The following PPP2R5E variants were observed in gnomAD, a reference collection of about 807,000 sequenced individuals.
PPP2R5E encodes serine/threonine-protein phosphatase 2A 56 kDa regulatory subunit epsilon isoform.
In PPP2R5E, 4 loss-of-function variants were observed where a neutral mutation model predicts 65.3. The observed-to-expected ratio is 0.06, with a 90% confidence interval of 0.03 to 0.14. PPP2R5E has a LOEUF of 0.14. Among genes scored for constraint, PPP2R5E ranks in the 10% least tolerant of loss-of-function variants. The pLI, the probability that PPP2R5E is intolerant of heterozygous loss-of-function variation, is 1.00. For missense variants in PPP2R5E, 274 were observed against 556.1 expected (o/e 0.49, Z 5.10); for synonymous variants, 183 against 187.4 (o/e 0.98, Z 0.19).
At chr14:63,538,978 T>C (rs575124685) in intron 2 of PPP2R5E, among the ~76,000 whole-genome samples, 38 of 152,238 alleles carry the variant, frequency 2.5e-4, no homozygotes, top group African/African-American at 8.9e-4. Context: ...AAGATCATAC[T>C]AAACAAGTAT....
intron 2 of PPP2R5E, among the ~76,000 whole-genome samples, chr14:63,536,601 C>T (rs566015044): frequency 1.3e-5 from 2 of 152,242 alleles, no homozygotes; most frequent in South Asian, 4.1e-4. Context: ...TTCACAATAG[C>T]CTGAAGGTGG....
intron 11 of PPP2R5E, 92 bp from the exon 12 acceptor site, chr14:63,384,663 G>C: frequency 1.8e-6 from 2 of 1,095,558 alleles, no homozygotes; most frequent in Non-Finnish European, 1.3e-6. Context: ...TATTTCAAAA[G>C]GCTATTTGTA....
chr14:63,533,920 C>A (rs900780884), intron 2 of PPP2R5E, among the ~76,000 whole-genome samples: 1 of 152,208 alleles, frequency 6.6e-6, no homozygotes, highest in Non-Finnish European at 1.5e-5. Flanking sequence ...GCACTCCAGC[C>A]TGGGTGACAG....
chr14:63,417,658 T>C (rs960540968), intron 4 of PPP2R5E, among the ~76,000 whole-genome samples: 1 of 152,216 alleles, frequency 6.6e-6, no homozygotes. Flanking sequence ...CAAAATGTAA[T>C]AAAATTATTA....
Position 63,396,721 on chromosome 14 carries a change from T to G in PPP2R5E, c.550-5A>C. 6.2e-7 allele frequency: 1 copy of G among 1,613,212 alleles called. No homozygotes were observed. Among genetic ancestry groups the G allele is most frequent in the Non-Finnish European group, 8.5e-7 (1 of 1,179,556 alleles). On this transcript the variant is annotated splice_polypyrimidine_tract_variant and splice_region_variant and intron_variant, in intron 5 of 13. Coordinates refer to ENST00000337537, the MANE Select transcript of PPP2R5E (RefSeq NM_006246.5). ...GCTGTCAAATAGCTCCAGAAGCTGTTGTAAATGAAAGACATTATAGCTGTC... is the reference window on the plus strand; with the variant it reads ...GCTGTCAAATAGCTCCAGAAGCTGTGGTAAATGAAAGACATTATAGCTGTC...
chr14:63,384,557 T>G lies in PPP2R5E; in HGVS notation c.1089A>C (p.Ala363=). The change falls in exon 12 of 14, where the codon GCA becomes GCC. Residue 363 remains alanine, a synonymous_variant. Transcript: ENST00000337537. ...SSPHFQVAER[A]LYYWNNEYIM... is the part of the protein sequence containing the mutation. ...TGTATTCATTATTCCAATAATAGAGTGCTCTTTCTGCCACCTTTGGGAAAA... is the reference window on the plus strand; with the variant it reads ...TGTATTCATTATTCCAATAATAGAGGGCTCTTTCTGCCACCTTTGGGAAAA... 6.2e-7 allele frequency: 1 copy of G among 1,610,834 alleles called. No individual in the cohort carries two copies.
chr14:63,520,708 A>G (rs1429476795), intron 2 of PPP2R5E, among the ~76,000 whole-genome samples: 2 of 152,012 alleles, frequency 1.3e-5, no homozygotes, highest in Admixed American at 6.6e-5. Context: ...TGTTTGCTTC[A>G]TATACATTTA....
chr14:63,394,600 A>G (rs1885218161), intron 7 of PPP2R5E, among the ~76,000 whole-genome samples: 1 of 152,006 alleles, frequency 6.6e-6, no homozygotes, highest in Admixed American at 6.6e-5. Flanking sequence ...GACCTTTTCC[A>G]TTTCCAGACA....
intron 13 of PPP2R5E, among the ~76,000 whole-genome samples, chr14:63,379,280 G>A (rs974674321): frequency 1.1e-4 from 17 of 151,620 alleles, no homozygotes; most frequent in African/African-American, 3.6e-4. Context: ...CGCCCGCCTC[G>A]GCCTCCCAAA....
intron 5 of PPP2R5E, among the ~76,000 whole-genome samples, chr14:63,413,824 A>C (rs914152991): frequency 1.3e-5 from 2 of 152,136 alleles, no homozygotes; most frequent in Admixed American, 1.3e-4. Flanking sequence ...TTCAGACCTC[A>C]CTTTTCCAAA....
chr14:63,483,218 A>G lies in PPP2R5E; in HGVS notation c.158-29333T>C, dbSNP rs370589499. On this transcript the variant is annotated intron_variant, in intron 2 of 13. Coordinates refer to ENST00000337537, the MANE Select transcript of PPP2R5E (RefSeq NM_006246.5). Reference sequence around the variant, plus strand: ...ACAGACAAGTGCAAGAGAAAAAATAAGCAGAGCAAGGAAAGGAACATGGGG... The same window carrying G: ...ACAGACAAGTGCAAGAGAAAAAATAGGCAGAGCAAGGAAAGGAACATGGGG... Among the ~76,000 whole-genome samples the G allele has an allele frequency of 6.6e-5, 10 of 152,214 alleles. No homozygotes were observed. In the East Asian group the frequency reaches 1.2e-3, roughly 18 times the overall value.
chr14:63,391,450 T>G (rs966541072), intron 10 of PPP2R5E, among the ~76,000 whole-genome samples: 4 of 150,402 alleles, frequency 2.7e-5, no homozygotes, highest in African/African-American at 9.8e-5. Flanking sequence ...TGAGACAGAG[T>G]TCACTCTTGT....
chr14:63,390,525 A>C (rs550569137), intron 10 of PPP2R5E, among the ~76,000 whole-genome samples: 1 of 152,362 alleles, frequency 6.6e-6, no homozygotes, highest in Non-Finnish European at 1.5e-5. Flanking sequence ...ACTTTGAAAA[A>C]ATAAAGTGAG....
chr14:63,469,041 C>T (rs1404159520), intron 2 of PPP2R5E, among the ~76,000 whole-genome samples: 3 of 152,160 alleles, frequency 2.0e-5, no homozygotes, highest in African/African-American at 4.8e-5. Context: ...TCCCACAACA[C>T]GAATTTGTTT....
intron 2 of PPP2R5E, among the ~76,000 whole-genome samples, chr14:63,511,580 T>C (rs1239734471): frequency 6.6e-6 from 1 of 152,230 alleles, no homozygotes; most frequent in Non-Finnish European, 1.5e-5. Flanking sequence ...TGATTCAAAA[T>C]CTATTTATCC....
chr14:63,456,720 T>G (rs938798483), intron 2 of PPP2R5E, among the ~76,000 whole-genome samples: 1 of 152,184 alleles, frequency 6.6e-6, no homozygotes, highest in Non-Finnish European at 1.5e-5. Context: ...TTCACCACTG[T>G]GCAATGCAAC....
At chr14:63,437,563 T>C (rs981435611) in intron 3 of PPP2R5E, among the ~76,000 whole-genome samples, 2 of 152,222 alleles carry the variant, frequency 1.3e-5, no homozygotes, top group African/African-American at 4.8e-5. Context: ...TCTACAATTT[T>C]TTTTTAATCT....
intron 2 of PPP2R5E, among the ~76,000 whole-genome samples, chr14:63,492,631 G>T (rs1891335631): frequency 2.0e-5 from 3 of 152,110 alleles, no homozygotes; most frequent in Non-Finnish European, 4.4e-5. Flanking sequence ...TACCAGTTGG[G>T]TTTCTTGTAT....
intron 2 of PPP2R5E, among the ~76,000 whole-genome samples, chr14:63,473,610 CA>C (rs1200337586): frequency 6.6e-5 from 10 of 152,258 alleles, no homozygotes; most frequent in Admixed American, 5.2e-4. Context: ...ATGAAACAAC[CA>C]AAACAGCTCT....
Sources: allele counts gnomAD v4.1 joint callset (sites outside exome capture counted in the v4.1 genomes callset), GRCh38; gene constraint gnomAD v4.1.1; transcripts MANE v1.5; gene names NCBI Gene and HGNC (gene_info 2026-07-23, HGNC 2026-07-21).